Variants in CEP68 observed in about 807,000 individuals in gnomAD.
The protein encoded by CEP68 is centrosomal protein of 68 kDa.
In CEP68, 26 loss-of-function variants were observed where a neutral mutation model predicts 55.3. The ratio of observed to expected loss-of-function variants is 0.47; its 90% CI spans 0.34 to 0.65. CEP68 has a LOEUF of 0.65. Ranked by LOEUF, CEP68 falls within the 30% of genes least tolerant of loss-of-function variation. The pLI is 0.01. For synonymous variants in CEP68, 402 were observed against 383.2 expected (o/e 1.05, Z -0.57); for missense variants, 957 against 946.7 (o/e 1.01, Z -0.14).
chr2:65,061,907 T>C (rs1252947833), intron 1 of CEP68, among the ~76,000 whole-genome samples: 3 of 152,244 alleles, frequency 2.0e-5, no homozygotes, highest in African/African-American at 7.2e-5. Flanking sequence ...CCCAGAGTTC[T>C]TCCAGCAAGC....
Position 65,072,692 on chromosome 2 carries a change from A to G in CEP68, c.1596A>G (p.Ser532=), listed in dbSNP as rs1479563391. The change falls in exon 3 of 7, where the codon TCA becomes TCG. Residue 532 remains serine, a synonymous_variant. Transcript: ENST00000377990. ...GTGATGGGCCAGCTTCCTTCCCTTC[A>G]AGCTCCAGCCAAAGCCAGCTTCCCC... The part of the protein sequence containing the change: ...SDSDGPASFP[S]SSSQSQLPPG... 1 of 1,614,028 alleles carries G rather than the reference A, an allele frequency of 6.2e-7. No individual in the cohort carries two copies.
At chr2:65,073,955 G>T in intron 3 of CEP68, 1 of 238,660 alleles carries the variant, frequency 4.2e-6, no homozygotes, top group Non-Finnish European at 8.2e-6. Context: ...GACGTATCTG[G>T]CTCCAAGATG....
intron 1 of CEP68, among the ~76,000 whole-genome samples, chr2:65,067,076 TAA>T (rs1374343163): frequency 3.5e-5 from 5 of 143,006 alleles, no homozygotes; most frequent in Admixed American, 1.4e-4. Flanking sequence ...TACTTTTATG[TAA>T]AAAAAAAAAG....
intron 4 of CEP68, among the ~76,000 whole-genome samples, chr2:65,076,611 T>TC (rs1676773780): frequency 6.8e-6 from 1 of 146,544 alleles, no homozygotes. Context: ...TAACTGTGAC[T>TC]CATTTTCTTA....
Position 65,086,411 on chromosome 2 carries a change from A to G in CEP68, c.*2777A>G, listed in dbSNP as rs922317341. ...CTTGAAAATGGGGGTATAAAGGGGT[A>G]TATATTTTTTCCAGAACCACATTTA... is the stretch of plus-strand genomic sequence containing the variant. On this transcript the variant is annotated 3_prime_UTR_variant, in exon 7 of 7. Coordinates refer to ENST00000377990, the MANE Select transcript of CEP68 (RefSeq NM_015147.3). 2 of 152,198 alleles carry G rather than the reference A, an allele frequency of 1.3e-5. No homozygotes were observed. The highest frequency in any genetic ancestry group is 2.9e-5 in the Non-Finnish European group (2 of 68,022). The allele number at this position is 152,198 out of a possible 1,614,324, so 9.4% of individuals were successfully genotyped here.
At chr2:65,081,498 A>G (rs925195045) in intron 5 of CEP68, among the ~76,000 whole-genome samples, 4 of 152,278 alleles carry the variant, frequency 2.6e-5, no homozygotes, top group African/African-American at 9.6e-5. Flanking sequence ...GAAACTAGGG[A>G]GAGTATAAGC....
At chr2:65,063,547 A>G (rs1379070443) in intron 1 of CEP68, among the ~76,000 whole-genome samples, 3 of 152,198 alleles carry the variant, frequency 2.0e-5, no homozygotes, top group Non-Finnish European at 4.4e-5. Flanking sequence ...AACAAGCGCT[A>G]TTCACCAGTC....
rs1668891428 is a variant in CEP68 at position 65,082,718 on chromosome 2, AG to A, written c.*4+11del. 6 of 1,532,782 alleles carry A rather than the reference AG, an allele frequency of 3.9e-6. No individual in the cohort carries two copies. Among genetic ancestry groups the A allele is most frequent in the Admixed American group, 2.3e-5 (1 of 44,094 alleles). The allele number at this position is 1,532,782 out of a possible 1,614,324, so 94.9% of individuals were successfully genotyped here. On this transcript the variant is annotated intron_variant, in intron 6 of 6. Coordinates refer to ENST00000377990, the MANE Select transcript of CEP68 (RefSeq NM_015147.3). ...TGAAGGGGTTTAACCTGGTAAGTGG[AG>A]GAACTCAAAAAGAAAATTTGCCCAC...
In CEP68 at chr2:65,086,137, T is replaced by C. The variant is rs1359240186; in HGVS notation, c.*2503T>C. ...CACAAAGAAGGTTTGAGGTAAGATA[T>C]GCTGGAAAGGCAAGATGTAGGCTAA... On this transcript the variant is annotated 3_prime_UTR_variant, in exon 7 of 7. Coordinates refer to ENST00000377990, the MANE Select transcript of CEP68 (RefSeq NM_015147.3). 1 of 152,188 alleles carries C rather than the reference T, an allele frequency of 6.6e-6. No individual in the cohort carries two copies. Among genetic ancestry groups the C allele is most frequent in the Non-Finnish European group, 1.5e-5 (1 of 68,042 alleles). The allele number at this position is 152,188 out of a possible 1,614,324, so 9.4% of individuals were successfully genotyped here.
At chr2:65,067,520 A>G (rs539303943) in intron 1 of CEP68, among the ~76,000 whole-genome samples, 1 of 152,132 alleles carries the variant, frequency 6.6e-6, no homozygotes, top group African/African-American at 2.4e-5. Context: ...ATTTGTATTT[A>G]AAAATGGGCT....
intron 5 of CEP68, chr2:65,080,673 C>T (rs1314283530): frequency 2.3e-6 from 1 of 431,540 alleles, no homozygotes; most frequent in East Asian, 1.6e-4. Flanking sequence ...AAAAAATTAG[C>T]TGGGCATGGT....
intron 1 of CEP68, among the ~76,000 whole-genome samples, chr2:65,060,160 C>CTA (rs1553382933): frequency 6.6e-6 from 1 of 152,154 alleles, no homozygotes; most frequent in Non-Finnish European, 1.5e-5. Context: ...CCTCTCTGTC[C>CTA]TATGCCTTTT....
At chr2:65,076,092 T>C (rs918221584) in intron 4 of CEP68, among the ~76,000 whole-genome samples, 13 of 151,024 alleles carry the variant, frequency 8.6e-5, no homozygotes, top group Admixed American at 2.0e-4. Flanking sequence ...TGAGTTCCTC[T>C]CCACACTGCA....
intron 1 of CEP68, among the ~76,000 whole-genome samples, chr2:65,063,128 G>A (rs1675993587): frequency 6.6e-6 from 1 of 152,214 alleles, no homozygotes. Context: ...TTACTGTAGG[G>A]CAAGAGTAAG....
intron 5 of CEP68, chr2:65,080,508 T>C (rs1676961049): frequency 6.1e-6 from 6 of 985,406 alleles, no homozygotes; most frequent in Non-Finnish European, 4.8e-6. Context: ...AACCAAACAT[T>C]CTGACAGTCT....
intron 1 of CEP68, among the ~76,000 whole-genome samples, chr2:65,056,847 C>A (rs911810391): frequency 6.6e-6 from 1 of 152,154 alleles, no homozygotes; most frequent in Non-Finnish European, 1.5e-5. Context: ...GTGCGCGAGT[C>A]CGCGCATCTG....
Position 65,086,661 on chromosome 2 carries a change from C to T in CEP68, c.*3027C>T, listed in dbSNP as rs61758847. On this transcript the variant is annotated 3_prime_UTR_variant, in exon 7 of 7. Transcript: ENST00000377990. The stretch of plus-strand genomic sequence containing the variant: ...AGTGCACGGCATGGCATCACAGTAT[C>T]TTGACATTTGTTTTGTGTCATTTAG... 1,445 of 152,492 alleles carry T rather than the reference C, an allele frequency of 9.5e-3. 9 individuals carry two copies. Among genetic ancestry groups the T allele is most frequent in the Non-Finnish European group, 0.014 (974 of 68,024 alleles). The allele number at this position is 152,492 out of a possible 1,614,324, so 9.4% of individuals were successfully genotyped here.
At position 65,071,930 on chromosome 2, in the gene CEP68, G is replaced by T. The variant is rs767907209; in HGVS notation, c.834G>T (p.Leu278=). The T allele has an allele frequency of 6.2e-7, 1 of 1,612,986 alleles. No individual in the cohort carries two copies. Among genetic ancestry groups the T allele is most frequent in the Non-Finnish European group, 8.5e-7 (1 of 1,179,928 alleles). ...SFQAEYWACV[L]PDSLPPSPDR... ...AGGCTGAGTACTGGGCCTGTGTGCTGCCAGATTCCCTGCCTCCATCACCCG... is the reference window on the plus strand; with the variant it reads ...AGGCTGAGTACTGGGCCTGTGTGCTTCCAGATTCCCTGCCTCCATCACCCG... Residue 278 remains leucine, a synonymous_variant, in exon 3 of 7, where the codon CTG becomes CTT. Coordinates refer to ENST00000377990, the MANE Select transcript of CEP68 (RefSeq NM_015147.3).
chr2:65,071,298 A>G (rs775182945), intron 2 of CEP68, 156 bp from the exon 3 acceptor site: 4 of 627,078 alleles, frequency 6.4e-6, no homozygotes, highest in African/African-American at 3.7e-5. Flanking sequence ...CTGGCAGTGC[A>G]TATTGCCTGG....
Sources: gnomAD v4.1 joint callset for allele counts (sites outside exome capture counted in the v4.1 genomes callset) on GRCh38, gnomAD v4.1.1 for gene constraint, MANE v1.5 for transcripts, NCBI Gene and HGNC (gene_info 2026-07-23, HGNC 2026-07-21) for gene names.